Variants in ERBB4 observed in about 807,000 individuals in gnomAD.
The protein encoded by ERBB4 is erb-b2 receptor tyrosine kinase 4.
A neutral mutation model predicts 158.0 loss-of-function variants in ERBB4; 42 were observed. The observed-to-expected ratio is 0.27, with a 90% confidence interval of 0.21 to 0.34. ERBB4 has a LOEUF of 0.34. ERBB4 is among the 10% of genes least tolerant of loss of function. The pLI, the probability that ERBB4 is intolerant of heterozygous loss-of-function variation, is 1.00. For missense variants in ERBB4, 1,333 were observed against 1,624.1 expected (o/e 0.82, Z 3.08); for synonymous variants, 583 against 558.7 (o/e 1.04, Z -0.61).
At chr2:212,236,913 A>G (rs911033161) in intron 1 of ERBB4, among the ~76,000 whole-genome samples, 1 of 152,128 alleles carries the variant, frequency 6.6e-6, no homozygotes, top group Non-Finnish European at 1.5e-5. Flanking sequence ...TTTTCAAAAA[A>G]TCACCTCCTG....
intron 1 of ERBB4, among the ~76,000 whole-genome samples, chr2:212,289,801 G>C (rs1344798082): frequency 6.6e-6 from 1 of 151,950 alleles, no homozygotes; most frequent in Non-Finnish European, 1.5e-5. Flanking sequence ...GAATTATTTT[G>C]AAAAAACAAA....
At chr2:212,247,417 TC>T (rs1384185522) in intron 1 of ERBB4, among the ~76,000 whole-genome samples, 3 of 152,184 alleles carry the variant, frequency 2.0e-5, no homozygotes, top group Non-Finnish European at 4.4e-5. Flanking sequence ...TCTAAAGTTT[TC>T]CCCCTGATAT....
At chr2:211,819,913 T>G (rs1264110493) in intron 3 of ERBB4, among the ~76,000 whole-genome samples, 5 of 151,900 alleles carry the variant, frequency 3.3e-5, no homozygotes, top group African/African-American at 4.8e-5. Context: ...AAGGACATTG[T>G]ATAATAAGTT....
chr2:211,719,799 G>C (rs2074037028), intron 7 of ERBB4, among the ~76,000 whole-genome samples: 1 of 150,132 alleles, frequency 6.7e-6, no homozygotes, highest in South Asian at 2.1e-4. Flanking sequence ...AGGTTGCAGT[G>C]AGCCGAGATC....
chr2:211,642,007 ATAGT>A (rs1314054085), intron 16 of ERBB4, among the ~76,000 whole-genome samples: 6 of 152,114 alleles, frequency 3.9e-5, no homozygotes, highest in African/African-American at 1.4e-4. Flanking sequence ...AGTGAATGAA[ATAGT>A]TAAGTGGGAT....
intron 1 of ERBB4, among the ~76,000 whole-genome samples, chr2:212,440,030 G>A (rs1446842772): frequency 6.6e-6 from 1 of 152,164 alleles, no homozygotes; most frequent in Admixed American, 6.5e-5. Context: ...AAAGTTCAAA[G>A]GAGGATTTGT....
At chr2:211,392,618 T>C (rs1391297725) in intron 25 of ERBB4, among the ~76,000 whole-genome samples, 2 of 150,690 alleles carry the variant, frequency 1.3e-5, no homozygotes, top group Non-Finnish European at 3.0e-5. Flanking sequence ...AATGACTCTA[T>C]GATCCAGTTG....
At chr2:212,129,758 A>T (rs1042229601) in intron 1 of ERBB4, among the ~76,000 whole-genome samples, 1 of 152,088 alleles carries the variant, frequency 6.6e-6, no homozygotes, top group African/African-American at 2.4e-5. Context: ...CCAAAAAACA[A>T]AATTAGATTA....
rs767095571 is a variant in ERBB4 at position 211,722,543 on chromosome 2, C to T, written c.742-9G>A. On this transcript the variant is annotated splice_polypyrimidine_tract_variant and intron_variant, in intron 6 of 27. Coordinates refer to ENST00000342788, the MANE Select transcript of ERBB4 (RefSeq NM_005235.3). Reference sequence around the variant, plus strand: ...TTGAAATTCATGCAGGCCTGCAACACAGCAAATATTACTTTCATTTACAAA... The same window carrying T: ...TTGAAATTCATGCAGGCCTGCAACATAGCAAATATTACTTTCATTTACAAA... 5.6e-6 allele frequency: 9 copies of T among 1,613,554 alleles called. No individual in the cohort carries two copies. In the South Asian group the frequency reaches 6.6e-5, roughly 12 times the overall value.
intron 3 of ERBB4, among the ~76,000 whole-genome samples, chr2:211,901,422 GGC>G (rs1418030988): frequency 1.3e-5 from 2 of 152,138 alleles, no homozygotes; most frequent in African/African-American, 4.8e-5. Context: ...CGCTGATCCT[GGC>G]AGGAATAGTC....
chr2:211,558,223 TC>T (rs758692703), intron 20 of ERBB4, among the ~76,000 whole-genome samples: 13 of 152,206 alleles, frequency 8.5e-5, no homozygotes, highest in Non-Finnish European at 1.9e-4. Context: ...GGCCTGTATT[TC>T]TTCTGGAGAT....
At chr2:211,486,287 TATTAATAA>T in intron 20 of ERBB4, among the ~76,000 whole-genome samples, 1 of 152,314 alleles carries the variant, frequency 6.6e-6, no homozygotes, top group East Asian at 1.9e-4. Flanking sequence ...TAATGAATGC[TATTAATAA>T]ATGAGAAACA....
intron 15 of ERBB4, among the ~76,000 whole-genome samples, chr2:211,660,980 G>A (rs1427434321): frequency 6.6e-6 from 1 of 152,104 alleles, no homozygotes; most frequent in African/African-American, 2.4e-5. Context: ...CATTGTCATG[G>A]TCACTAGAAT....
intron 20 of ERBB4, among the ~76,000 whole-genome samples, chr2:211,448,678 A>T (rs937947898): frequency 6.6e-6 from 1 of 152,172 alleles, no homozygotes; most frequent in Admixed American, 6.5e-5. Flanking sequence ...CTACAAATGC[A>T]TTACAACCCC....
chr2:211,757,899 A>T (rs1372896064), intron 4 of ERBB4, among the ~76,000 whole-genome samples: 1 of 152,182 alleles, frequency 6.6e-6, no homozygotes, highest in African/African-American at 2.4e-5. Flanking sequence ...GGGTGGGTAG[A>T]CCTATGAGAG....
At chr2:212,129,634 TA>T (rs957082194) in intron 1 of ERBB4, among the ~76,000 whole-genome samples, 71 of 151,680 alleles carry the variant, frequency 4.7e-4, no homozygotes, top group Non-Finnish European at 8.4e-4. Flanking sequence ...GGCCCTCAAC[TA>T]AAAAAAATTG....
chr2:211,682,225 A>G (rs1047618178), intron 12 of ERBB4, among the ~76,000 whole-genome samples: 4 of 152,138 alleles, frequency 2.6e-5, no homozygotes, highest in African/African-American at 9.7e-5. Context: ...GATGATAAAA[A>G]TTCTGGTCCA....
chr2:211,566,409 T>TG (rs1349952307), intron 19 of ERBB4, among the ~76,000 whole-genome samples: 2 of 152,136 alleles, frequency 1.3e-5, no homozygotes, highest in African/African-American at 4.8e-5. Flanking sequence ...GGAGACTGCT[T>TG]GGGGGGCCAG....
intron 20 of ERBB4, among the ~76,000 whole-genome samples, chr2:211,515,913 T>TATATATATATATATATATACATATATA (rs71054105): frequency 1.7e-5 from 1 of 57,374 alleles, no homozygotes; most frequent in East Asian, 3.6e-4. Flanking sequence ...TATATATATA[T>TATATATATATATATATATACATATATA]TTTTTTTTTT....
Sources: gnomAD v4.1 joint callset for allele counts (sites outside exome capture counted in the v4.1 genomes callset) on GRCh38, gnomAD v4.1.1 for gene constraint, MANE v1.5 for transcripts, NCBI Gene and HGNC (gene_info 2026-07-23, HGNC 2026-07-21) for gene names.